The following CEP192 variants were observed in gnomAD, a reference collection of about 807,000 sequenced individuals.
CEP192 encodes centrosomal protein 192, also known as centrosomal protein of 192 kDa.
A neutral mutation model predicts 271.8 loss-of-function variants in CEP192; 151 were observed. That is an observed-to-expected ratio of 0.56 (90% CI 0.49 to 0.64). The LOEUF is 0.64. Ranked by LOEUF, CEP192 falls within the 30% of genes least tolerant of loss-of-function variation. The probability of loss-of-function intolerance (pLI) is 0.00; values close to 1 mark genes in which losing one functional copy is unlikely to be tolerated. For missense variants in CEP192, 2,910 were observed against 3,020.5 expected (o/e 0.96, Z 0.86); for synonymous variants, 995 against 1,076.5 (o/e 0.92, Z 1.48).
In CEP192 at chr18:13,073,039, T is replaced by C; in HGVS notation, c.5470T>C (p.Leu1824=). 6.2e-7 allele frequency: 1 copy of C among 1,611,746 alleles called. No individual in the cohort carries two copies. The highest frequency in any genetic ancestry group is 8.5e-7 in the Non-Finnish European group (1 of 1,179,368). Residue 1824 remains leucine, a synonymous_variant, in exon 30 of 45, where the codon TTG becomes CTG. Coordinates refer to ENST00000506447, the MANE Select transcript of CEP192 (RefSeq NM_032142.4). The part of the protein sequence containing the change: ...LQNTFGSEQR[L]TSNCEIRIHP... ...GAACACTTTTGGTTCAGAACAGCGATTGACCAGTAACTGTGAGATCAGAAT... is the reference window on the plus strand; with the variant it reads ...GAACACTTTTGGTTCAGAACAGCGACTGACCAGTAACTGTGAGATCAGAAT...
chr18:13,008,376 C>T (rs2034110661), intron 3 of CEP192, 80 bp from the exon 4 acceptor site: 5 of 1,017,408 alleles, frequency 4.9e-6, no homozygotes, highest in Admixed American at 5.6e-5. Context: ...AGGTAAAATA[C>T]ATAACTGATT....
intron 4 of CEP192, 107 bp from the exon 5 acceptor site, chr18:13,012,866 T>G (rs2034442286): frequency 3.2e-6 from 2 of 630,538 alleles, no homozygotes; most frequent in African/African-American, 1.9e-5. Flanking sequence ...AAAAGTGCTT[T>G]TATTCTATTT....
chr18:13,042,424 G>A (rs2036260008), intron 15 of CEP192, 90 bp downstream of exon 15: 2 of 1,314,234 alleles, frequency 1.5e-6, no homozygotes, highest in Admixed American at 2.1e-5. Context: ...AAAAATTTAT[G>A]CCGTTTAACA....
chr18:13,052,437 G>T (rs1232130802), intron 17 of CEP192, among the ~76,000 whole-genome samples: 2 of 152,016 alleles, frequency 1.3e-5, no homozygotes, highest in African/African-American at 4.8e-5. Flanking sequence ...TTTTTCTCAG[G>T]ATAAATTCCT....
In CEP192 at chr18:13,124,845, T is replaced by C. The variant is rs1266610545; in HGVS notation, c.*75T>C. 1 of 1,171,068 alleles carries C rather than the reference T, an allele frequency of 8.5e-7. No homozygotes were observed. The highest frequency in any genetic ancestry group is 1.2e-6 in the Non-Finnish European group (1 of 830,560). The allele number at this position is 1,171,068 out of a possible 1,614,324, so 72.5% of individuals were successfully genotyped here. ...ACTTTATCTTTCTACACTACAATTA[T>C]GCTTTTGTATATATATTTTGTATGA... is the stretch of plus-strand genomic sequence containing the variant. On this transcript the variant is annotated 3_prime_UTR_variant, in exon 45 of 45. Transcript: ENST00000506447.
At chr18:13,090,528 T>A (rs1457258474) in intron 33 of CEP192, among the ~76,000 whole-genome samples, 5 of 152,198 alleles carry the variant, frequency 3.3e-5, no homozygotes, top group African/African-American at 2.4e-5. Context: ...GCTTCTGAAA[T>A]ATGAAGTGAT....
At chr18:13,065,661 T>TTG (rs2037656195) in intron 21 of CEP192, among the ~76,000 whole-genome samples, 1 of 152,204 alleles carries the variant, frequency 6.6e-6, no homozygotes, top group Admixed American at 6.5e-5. Flanking sequence ...ATACTGGCAG[T>TTG]TGTGGGAGGC....
chr18:13,109,514 G>A (rs1170801002), intron 40 of CEP192, among the ~76,000 whole-genome samples: 2 of 152,056 alleles, frequency 1.3e-5, no homozygotes, highest in African/African-American at 2.4e-5. Flanking sequence ...ACCTGCGCAT[G>A]TACCCCCTGA....
intron 21 of CEP192, among the ~76,000 whole-genome samples, chr18:13,061,945 A>C (rs540578941): frequency 1.4e-4 from 21 of 152,250 alleles, no homozygotes; most frequent in Admixed American, 2.0e-4. Context: ...ATTTCACTAT[A>C]TCAGACTGTT....
At position 13,073,059 on chromosome 18, in the gene CEP192, C is replaced by A. The variant is rs775990295; in HGVS notation, c.5490C>A (p.Ile1830=). Residue 1830 remains isoleucine, a synonymous_variant, in exon 30 of 45, where the codon ATC becomes ATA. Coordinates refer to ENST00000506447, the MANE Select transcript of CEP192 (RefSeq NM_032142.4). The part of the protein sequence containing the change: ...SEQRLTSNCE[I]RIHPKEDIFI... ...AGCGATTGACCAGTAACTGTGAGAT[C>A]AGAATTCACCCAAAGGAAGACATTT... The A allele has an allele frequency of 6.2e-7, 1 of 1,613,198 alleles. No individual in the cohort carries two copies. Among genetic ancestry groups the A allele is most frequent in the Admixed American group, 1.7e-5 (1 of 59,848 alleles).
At chr18:13,106,672 A>G (rs1344308506) in intron 40 of CEP192, among the ~76,000 whole-genome samples, 2 of 151,176 alleles carry the variant, frequency 1.3e-5, no homozygotes, top group African/African-American at 4.9e-5. Flanking sequence ...AGGTACCACC[A>G]CCACCGCCAC....
At chr18:13,002,383 T>A (rs1242913412) in intron 3 of CEP192, among the ~76,000 whole-genome samples, 1 of 152,186 alleles carries the variant, frequency 6.6e-6, no homozygotes, top group Admixed American at 6.5e-5. Context: ...TATGAATCTG[T>A]GTCATAATGT....
rs1223386251 is a variant in CEP192 at position 13,018,613 on chromosome 18, C to G, written c.923C>G (p.Thr308Ser). ...EESQVICLPGTSNSIGTGDSR... is the reference protein window; with the variant it reads ...EESQVICLPGSSNSIGTGDSR... Reference sequence around the variant, plus strand: ...AGCCAAGTTATTTGTCTACCTGGGACTAGTAAGTATAGAAATATGATTCTT... The same window carrying G: ...AGCCAAGTTATTTGTCTACCTGGGAGTAGTAAGTATAGAAATATGATTCTT... The change falls in exon 8 of 45, where the codon ACT (threonine) becomes AGT (serine). Residue 308 changes from threonine (T) to serine (S), a missense_variant and splice_region_variant. Transcript: ENST00000506447. The G allele has an allele frequency of 1.3e-6, 2 of 1,508,924 alleles. No homozygotes were observed. The highest frequency in any genetic ancestry group is 5.0e-5 in the East Asian group (2 of 40,160). The allele number at this position is 1,508,924 out of a possible 1,614,324, so 93.5% of individuals were successfully genotyped here. A position where few individuals can be genotyped will look rare whatever the true frequency, so the allele number is the denominator to read the frequency against.
chr18:13,116,652 C>T, intron 43 of CEP192, 149 bp downstream of exon 43: 1 of 696,092 alleles, frequency 1.4e-6, no homozygotes, highest in Non-Finnish European at 2.2e-6. Flanking sequence ...CGCTGTCGCC[C>T]AGGCTGAAGT....
chr18:13,003,496 G>A (rs1351448584), intron 3 of CEP192, among the ~76,000 whole-genome samples: 1 of 151,672 alleles, frequency 6.6e-6, no homozygotes, highest in Admixed American at 6.6e-5. Context: ...AAGACTTGAG[G>A]GAGGGAGTTA....
At chr18:12,994,974 T>C (rs1002634778) in intron 1 of CEP192, among the ~76,000 whole-genome samples, 2 of 151,034 alleles carry the variant, frequency 1.3e-5, no homozygotes, top group African/African-American at 4.9e-5. Flanking sequence ...GAAGGGAAGG[T>C]GAGAAGGTGG....
rs182473889 is a variant in CEP192, at chr18:13,122,060, G to A, written c.7476-2572G>A. ...TCCCAACATTTTGGGAGGCCAAGAC[G>A]GGCGGGTCATCTGAGGTCAGGAGTT... On this transcript the variant is annotated intron_variant, in intron 44 of 44. Transcript: ENST00000506447. 5.8e-3 allele frequency among the ~76,000 whole-genome samples: 876 copies of A among 152,210 alleles called. 13 individuals are homozygous for A. The highest frequency in any genetic ancestry group is 0.02 in the African/African-American group (836 of 41,530).
At chr18:13,020,137 A>C (rs2034903356) in intron 9 of CEP192, among the ~76,000 whole-genome samples, 3 of 152,172 alleles carry the variant, frequency 2.0e-5, no homozygotes. Flanking sequence ...TTAAGTGTAC[A>C]GTTCAATAAT....
chr18:13,092,887 G>A (rs955553192), intron 34 of CEP192, among the ~76,000 whole-genome samples: 3 of 152,122 alleles, frequency 2.0e-5, no homozygotes, highest in Non-Finnish European at 4.4e-5. Flanking sequence ...AGGTATGGTG[G>A]CTCTTGCATG....
Sources: gnomAD v4.1 joint callset for allele counts (sites outside exome capture counted in the v4.1 genomes callset) on GRCh38, gnomAD v4.1.1 for gene constraint, MANE v1.5 for transcripts, NCBI Gene and HGNC (gene_info 2026-07-23, HGNC 2026-07-21) for gene names.